MMD: variants seen among roughly 807,000 people sequenced by gnomAD.
MMD encodes monocyte to macrophage differentiation factor.
In MMD, 22 loss-of-function variants were observed where a neutral mutation model predicts 33.6. The observed-to-expected ratio is 0.66, with a 90% CI of 0.47 to 0.94. The LOEUF (loss-of-function observed/expected upper bound fraction) is 0.94, where lower values mean the gene tolerates loss of function less well. MMD is among the 40% of genes least tolerant of loss of function. The pLI is 0.00. For synonymous variants in MMD, 97 were observed against 103.2 expected (o/e 0.94, Z 0.36); for missense variants, 242 against 309.8 (o/e 0.78, Z 1.64).
chr17:55,405,884 T>C (rs1207787427), intron 4 of MMD, among the ~76,000 whole-genome samples: 2 of 152,198 alleles, frequency 1.3e-5, no homozygotes, highest in African/African-American at 4.8e-5. Flanking sequence ...TAAAACTGGA[T>C]TATGTCTTGT....
intron 6 of MMD, 39 bp downstream of exon 6, chr17:55,401,430 T>C: frequency 1.3e-6 from 2 of 1,528,708 alleles, no homozygotes; most frequent in Non-Finnish European, 1.8e-6. Context: ...TTCCAGCAGC[T>C]TAAAAGAAAA....
At chr17:55,415,054 G>A (rs926166012) in intron 1 of MMD, among the ~76,000 whole-genome samples, 12 of 152,124 alleles carry the variant, frequency 7.9e-5, no homozygotes, top group Non-Finnish European at 1.0e-4. Context: ...CAGTAGTACA[G>A]AGAAAAGCAT....
At chr17:55,398,518 T>C (rs1408792533) in intron 6 of MMD, among the ~76,000 whole-genome samples, 1 of 151,536 alleles carries the variant, frequency 6.6e-6, no homozygotes, top group Non-Finnish European at 1.5e-5. Context: ...CTTGCCCATC[T>C]GGTAATATTT....
At chr17:55,414,352 G>T in intron 1 of MMD, 120 bp from the exon 2 acceptor site, 1 of 908,464 alleles carries the variant, frequency 1.1e-6, no homozygotes, top group Non-Finnish European at 1.7e-6. Context: ...GAAATACCCA[G>T]TTGCGGTAAT....
chr17:55,403,015 T>C (rs1907405295), intron 5 of MMD, among the ~76,000 whole-genome samples: 1 of 152,166 alleles, frequency 6.6e-6, no homozygotes, highest in East Asian at 1.9e-4. Context: ...ATGACAAAGA[T>C]TTCCTGGTTG....
chr17:55,404,741 A>T (rs1598431567), intron 4 of MMD: 1 of 985,334 alleles, frequency 1.0e-6, no homozygotes. Flanking sequence ...AATGCTGCAA[A>T]TTCATTTGTA....
intron 5 of MMD, among the ~76,000 whole-genome samples, chr17:55,402,030 G>A (rs1439751302): frequency 7.0e-6 from 1 of 143,598 alleles, no homozygotes; most frequent in African/African-American, 2.6e-5. Context: ...CTTGCAGTGA[G>A]CCGAGATCGC....
At chr17:55,398,982 G>A (rs1204373476) in intron 6 of MMD, among the ~76,000 whole-genome samples, 14 of 152,148 alleles carry the variant, frequency 9.2e-5, no homozygotes, top group South Asian at 2.1e-4. Context: ...AACGACTCAC[G>A]GAAACTGCTT....
chr17:55,414,981 C>G (rs1386773848), intron 1 of MMD, among the ~76,000 whole-genome samples: 1 of 152,154 alleles, frequency 6.6e-6, no homozygotes, highest in Non-Finnish European at 1.5e-5. Context: ...ATATCAAAAT[C>G]TGTTACATAT....
At chr17:55,414,555 T>TAC (rs1567851499) in intron 1 of MMD, among the ~76,000 whole-genome samples, 14 of 58,516 alleles carry the variant, frequency 2.4e-4, no homozygotes, top group African/African-American at 1.1e-3. Flanking sequence ...TCCTCCTCCA[T>TAC]TCACACACAC....
intron 6 of MMD, among the ~76,000 whole-genome samples, chr17:55,399,232 T>C (rs1334562601): frequency 7.5e-6 from 1 of 133,856 alleles, no homozygotes; most frequent in Admixed American, 7.3e-5. Flanking sequence ...TCCTGTACTG[T>C]TTGGGTTCAG....
Position 55,420,932 on chromosome 17 carries a change from T to C in MMD, c.26+738A>G, listed in dbSNP as rs1908161579. On this transcript the variant is annotated intron_variant, in intron 1 of 6. Transcript: ENST00000262065. The stretch of plus-strand genomic sequence containing the variant: ...CACCAGCTCTACAGTGAATGAGCAG[T>C]CGGCCAGCCTTCCGGTGGCGCCTCC... Among the ~76,000 whole-genome samples, 3 of 152,300 alleles carry C rather than the reference T, an allele frequency of 2.0e-5. No individual in the cohort carries two copies. In the South Asian group the frequency reaches 6.2e-4, roughly 32 times the overall value.
At position 55,411,567 on chromosome 17, in the gene MMD, C is replaced by T. The variant is rs931765519; in HGVS notation, c.109-150G>A. ...CTCTCCTGGATAATCATAACGAGAGCCAGATGAAGTTAGCTGCTACACTGG... is the reference window on the plus strand; with the variant it reads ...CTCTCCTGGATAATCATAACGAGAGTCAGATGAAGTTAGCTGCTACACTGG... On this transcript the variant is annotated intron_variant, in intron 2 of 6. Coordinates refer to ENST00000262065, the MANE Select transcript of MMD (RefSeq NM_012329.3). 12 of 1,030,678 alleles carry T rather than the reference C, an allele frequency of 1.2e-5. No homozygotes were observed. In the African/African-American group the frequency reaches 1.8e-4, roughly 15 times the overall value. 63.8% of individuals were successfully genotyped at this position (1,030,678 alleles called of 1,614,324 possible).
intron 1 of MMD, among the ~76,000 whole-genome samples, chr17:55,419,645 G>A (rs1296095364): frequency 2.6e-5 from 4 of 152,154 alleles, no homozygotes; most frequent in Admixed American, 6.5e-5. Context: ...ACAAAAATCA[G>A]GACATTCTCA....
chr17:55,394,541 A>G lies in MMD; in HGVS notation c.517-7T>C, dbSNP rs780056030. The stretch of plus-strand genomic sequence containing the variant: ...GAAGTCCATCGGTGTTGTTCTGTCA[A>G]CAGAGAAAAAAAAATAAAAAGGGTT... On this transcript the variant is annotated splice_region_variant and splice_polypyrimidine_tract_variant and intron_variant, in intron 6 of 6. Transcript: ENST00000262065. 9 of 1,451,962 alleles carry G rather than the reference A, an allele frequency of 6.2e-6. No homozygotes were observed. In the East Asian group the frequency reaches 2.4e-4, roughly 38 times the overall value. 89.9% of individuals were successfully genotyped at this position (1,451,962 alleles called of 1,614,324 possible).
intron 6 of MMD, among the ~76,000 whole-genome samples, chr17:55,399,856 A>G (rs1907258164): frequency 6.6e-6 from 1 of 152,206 alleles, no homozygotes; most frequent in Admixed American, 6.5e-5. Flanking sequence ...CCACTTATGG[A>G]AATGTCAATT....
At chr17:55,410,336 T>G (rs1374692726) in intron 3 of MMD, among the ~76,000 whole-genome samples, 4 of 152,054 alleles carry the variant, frequency 2.6e-5, no homozygotes, top group Admixed American at 6.6e-5. Flanking sequence ...ATAGTTTGAG[T>G]TTTTTTTGGA....
chr17:55,409,565 C>T (rs1316046955), intron 3 of MMD, among the ~76,000 whole-genome samples: 1 of 152,160 alleles, frequency 6.6e-6, no homozygotes, highest in African/African-American at 2.4e-5. Flanking sequence ...AGCATAGTGC[C>T]TAGCACACAG....
intron 4 of MMD, chr17:55,404,396 A>G (rs1285059492): frequency 3.2e-5 from 28 of 886,276 alleles, no homozygotes; most frequent in Non-Finnish European, 6.8e-6. Context: ...TAAAAATAGA[A>G]CCAGCTAAAA....
Sources: allele counts gnomAD v4.1 joint callset (sites outside exome capture counted in the v4.1 genomes callset), GRCh38; gene constraint gnomAD v4.1.1; transcripts MANE v1.5; gene names NCBI Gene and HGNC (gene_info 2026-07-23, HGNC 2026-07-21).